The following RBM6 variants were observed in gnomAD, a reference collection of about 807,000 sequenced individuals.
The protein encoded by RBM6 is RNA binding motif protein 6, also known as RNA-binding protein 6.
Under a neutral mutation model 140.4 loss-of-function variants are expected in RBM6, and 23 were observed. The ratio of observed to expected loss-of-function variants is 0.16; its 90% CI spans 0.12 to 0.23. The LOEUF (loss-of-function observed/expected upper bound fraction) is 0.23. Among genes scored for constraint, RBM6 ranks in the 10% least tolerant of loss-of-function variants. The pLI, the probability that RBM6 is intolerant of heterozygous loss-of-function variation, is 1.00. For missense variants in RBM6, 1,139 were observed against 1,386.7 expected, an observed-to-expected ratio of 0.82 and a Z score of 2.84; for synonymous variants, 439 against 475.6, an observed-to-expected ratio of 0.92 and a Z score of 1.00.
Position 49,968,827 on chromosome 3 carries a change from C to T in RBM6, c.1323+79C>T, listed in dbSNP as rs964001832. The T allele has an allele frequency of 2.8e-6, 4 of 1,431,896 alleles. No individual in the cohort carries two copies. The Admixed American group carries it at 8.2e-5, about 30-fold the overall frequency. 88.7% of individuals were successfully genotyped at this position (1,431,896 alleles called of 1,614,324 possible). A position where few individuals can be genotyped will look rare whatever the true frequency, so the allele number is the denominator to read the frequency against. On this transcript the variant is annotated intron_variant, in intron 3 of 20. Coordinates refer to ENST00000266022, the MANE Select transcript of RBM6 (RefSeq NM_005777.3). ...ACGGAGTCTCGCTCTGTTGCCCAGC[C>T]TGGAGTGCAGTGGTGCGATCTCTGC...
At chr3:49,989,274 C>A (rs181946357) in intron 5 of RBM6, among the ~76,000 whole-genome samples, 11 of 152,092 alleles carry the variant, frequency 7.2e-5, no homozygotes, top group Non-Finnish European at 1.5e-4. Context: ...ATATGCCAAT[C>A]GGTTAAATAA....
intron 6 of RBM6, among the ~76,000 whole-genome samples, chr3:50,010,632 G>T (rs1179663530): frequency 6.6e-6 from 1 of 151,820 alleles, no homozygotes; most frequent in Non-Finnish European, 1.5e-5. Flanking sequence ...GCCAGGCAGG[G>T]TGGCTCACAC....
chr3:50,028,257 C>T (rs2087949409), intron 6 of RBM6, among the ~76,000 whole-genome samples: 1 of 152,042 alleles, frequency 6.6e-6, no homozygotes, highest in Non-Finnish European at 1.5e-5. Context: ...TTGTTTCTGC[C>T]TGTGTGTCTG....
intron 11 of RBM6, among the ~76,000 whole-genome samples, chr3:50,060,419 G>T (rs1224605655): frequency 1.3e-5 from 2 of 152,024 alleles, no homozygotes; most frequent in Non-Finnish European, 2.9e-5. Flanking sequence ...CCACTTAATG[G>T]CTGTTTTGCT....
chr3:49,971,266 T>TG (rs1307679985), intron 3 of RBM6, among the ~76,000 whole-genome samples: 6 of 119,490 alleles, frequency 5.0e-5, no homozygotes, highest in Non-Finnish European at 1.0e-4. Context: ...AAACTCCATC[T>TG]GAAAAAAAAA....
intron 6 of RBM6, among the ~76,000 whole-genome samples, chr3:50,037,195 T>G (rs1405797959): frequency 6.6e-6 from 1 of 151,378 alleles, no homozygotes; most frequent in Admixed American, 6.6e-5. Context: ...AGCCCAGGAG[T>G]TCAAGACCAG....
intron 5 of RBM6, among the ~76,000 whole-genome samples, chr3:49,994,603 CT>C (rs1394710402): frequency 6.6e-6 from 1 of 151,650 alleles, no homozygotes; most frequent in Admixed American, 6.6e-5. Flanking sequence ...TTCATGGTGC[CT>C]TTTATATTCA....
intron 19 of RBM6, among the ~76,000 whole-genome samples, chr3:50,074,405 T>C (rs1475364384): frequency 2.0e-5 from 3 of 151,754 alleles, no homozygotes; most frequent in Non-Finnish European, 2.9e-5. Context: ...AACCACAACC[T>C]CCACCTCCTG....
intron 6 of RBM6, 63 bp downstream of exon 6, chr3:49,999,576 G>GCC: frequency 7.4e-7 from 1 of 1,353,622 alleles, no homozygotes; most frequent in Non-Finnish European, 1.1e-6. Context: ...TGGGGAGGGA[G>GCC]GGTTTCAAAT....
At chr3:50,051,881 T>C (rs1273873658) in intron 7 of RBM6, among the ~76,000 whole-genome samples, 1 of 152,182 alleles carries the variant, frequency 6.6e-6, no homozygotes, top group African/African-American at 2.4e-5. Flanking sequence ...GAAAATACTA[T>C]GCCAGACACA....
At chr3:50,048,599 A>G (rs1457354628) in intron 7 of RBM6, among the ~76,000 whole-genome samples, 1 of 152,168 alleles carries the variant, frequency 6.6e-6, no homozygotes, top group Non-Finnish European at 1.5e-5. Flanking sequence ...CAGTTCCTTG[A>G]CATATAATAT....
At chr3:50,076,655 G>T (rs1404261738) in intron 20 of RBM6, among the ~76,000 whole-genome samples, 1 of 151,806 alleles carries the variant, frequency 6.6e-6, no homozygotes, top group Non-Finnish European at 1.5e-5. Flanking sequence ...GGAGGCCAAG[G>T]TGGGCGGATC....
intron 5 of RBM6, among the ~76,000 whole-genome samples, chr3:49,983,229 A>G (rs779256354): frequency 1.3e-5 from 2 of 152,198 alleles, no homozygotes; most frequent in African/African-American, 4.8e-5. Flanking sequence ...TTCTGTGTCA[A>G]TATAACAGAA....
At chr3:49,966,759 A>G (rs756020292) in intron 2 of RBM6, among the ~76,000 whole-genome samples, 17 of 151,872 alleles carry the variant, frequency 1.1e-4, no homozygotes, top group Admixed American at 6.6e-4. Context: ...CATGATTCAT[A>G]CTACCTTCTA....
intron 6 of RBM6, among the ~76,000 whole-genome samples, chr3:50,040,084 A>G (rs2088792244): frequency 6.6e-6 from 1 of 152,114 alleles, no homozygotes; most frequent in South Asian, 2.1e-4. Context: ...TTTAAAATGC[A>G]TGTAAGACCT....
Position 49,971,278 on chromosome 3 carries a change from A to C in RBM6, c.1324-781A>C, listed in dbSNP as rs549785827. Among the ~76,000 whole-genome samples, 42 of 148,994 alleles carry C rather than the reference A, an allele frequency of 2.8e-4. 1 individual carries two copies. The highest frequency in any genetic ancestry group is 8.8e-4 in the African/African-American group (36 of 40,684). On this transcript the variant is annotated intron_variant, in intron 3 of 20. Transcript: ENST00000266022. ...GCGAAACTCCATCTGAAAAAAAAAA[A>C]AAAAACGAAAACCAAAACCAGCCAG...
intron 14 of RBM6, 152 bp downstream of exon 14, chr3:50,061,699 G>A: frequency 6.9e-7 from 1 of 1,440,664 alleles, no homozygotes; most frequent in Non-Finnish European, 9.1e-7. Context: ...TAGATCTATG[G>A]AAACAGAACT....
intron 5 of RBM6, among the ~76,000 whole-genome samples, chr3:49,986,651 C>G (rs2085573948): frequency 6.6e-6 from 1 of 151,590 alleles, no homozygotes; most frequent in African/African-American, 2.4e-5. Flanking sequence ...TACTCTCTAA[C>G]TGTGAAGAAG....
chr3:50,061,746 C>A (rs2089951526), intron 14 of RBM6, 199 bp downstream of exon 14: 2 of 1,337,526 alleles, frequency 1.5e-6, no homozygotes. Context: ...TGTGGCAATA[C>A]AGGTAAGAAC....
Sources: allele counts gnomAD v4.1 joint callset (sites outside exome capture counted in the v4.1 genomes callset), GRCh38; gene constraint gnomAD v4.1.1; transcripts MANE v1.5; gene names NCBI Gene and HGNC (gene_info 2026-07-23, HGNC 2026-07-21).